ENTHD1: variants seen among roughly 807,000 people sequenced by gnomAD.
ENTHD1 encodes ENTH domain containing 1.
ENTHD1 carries 23 observed loss-of-function variants against 39.1 expected under a neutral mutation model. That is an observed-to-expected ratio of 0.59 (90% CI 0.42 to 0.83). The LOEUF is 0.83. Ranked by LOEUF, ENTHD1 falls within the 40% of genes least tolerant of loss-of-function variation. The pLI is 0.00. For synonymous variants in ENTHD1, 230 were observed against 258.2 expected (o/e 0.89, Z 1.05); for missense variants, 624 against 705.4 (o/e 0.88, Z 1.31).
At chr22:39,801,743 C>T (rs2065600117) in intron 5 of ENTHD1, among the ~76,000 whole-genome samples, 1 of 152,002 alleles carries the variant, frequency 6.6e-6, no homozygotes, top group Non-Finnish European at 1.5e-5. Flanking sequence ...TACTAGATTT[C>T]TCCCAGAATT....
intron 3 of ENTHD1, among the ~76,000 whole-genome samples, chr22:39,850,015 T>C (rs2066022302): frequency 6.6e-6 from 1 of 152,188 alleles, no homozygotes; most frequent in Middle Eastern, 3.2e-3. Context: ...ATATTTTTTG[T>C]TAACTTCAAA....
intron 2 of ENTHD1, among the ~76,000 whole-genome samples, chr22:39,883,003 C>CAAAAAAAAAAAAAAAAAAAAAAAAAA (rs58964198): frequency 4.1e-5 from 2 of 48,258 alleles, no homozygotes; most frequent in African/African-American, 6.5e-5. Context: ...GACTTCATCT[C>CAAAAAAAAAAAAAAAAAAAAAAAAAA]AAAAAAAAAA....
At chr22:39,803,890 G>A (rs180751842) in intron 5 of ENTHD1, among the ~76,000 whole-genome samples, 17 of 152,210 alleles carry the variant, frequency 1.1e-4, no homozygotes, top group African/African-American at 2.2e-4. Flanking sequence ...GGTCAGGTGC[G>A]GTGGCTCATG....
At chr22:39,830,264 G>A (rs569225962) in intron 4 of ENTHD1, among the ~76,000 whole-genome samples, 1 of 152,176 alleles carries the variant, frequency 6.6e-6, no homozygotes, top group African/African-American at 2.4e-5. Flanking sequence ...TAGTAGAGAT[G>A]GGGTTTCACC....
chr22:39,870,999 C>T (rs2066237692), intron 2 of ENTHD1, among the ~76,000 whole-genome samples: 1 of 151,742 alleles, frequency 6.6e-6, no homozygotes, highest in South Asian at 2.1e-4. Flanking sequence ...ATACAGAGAT[C>T]CCTTCTCTAC....
At chr22:39,767,737 G>C (rs1475372907) in intron 5 of ENTHD1, among the ~76,000 whole-genome samples, 1 of 152,180 alleles carries the variant, frequency 6.6e-6, no homozygotes. Context: ...AGAACTTTCT[G>C]ATGAAAATAT....
At chr22:39,860,750 T>C (rs1175862487) in intron 3 of ENTHD1, among the ~76,000 whole-genome samples, 1 of 152,252 alleles carries the variant, frequency 6.6e-6, no homozygotes, top group African/African-American at 2.4e-5. Flanking sequence ...ATTTCACTAA[T>C]GTTTTTGCTT....
intron 5 of ENTHD1, among the ~76,000 whole-genome samples, chr22:39,815,834 G>T (rs191796674): frequency 6.6e-6 from 1 of 152,102 alleles, no homozygotes; most frequent in East Asian, 1.9e-4. Flanking sequence ...CTTAAGCAAT[G>T]ATATTGAATG....
At chr22:39,883,533 A>G (rs1008441331) in intron 2 of ENTHD1, among the ~76,000 whole-genome samples, 10 of 152,088 alleles carry the variant, frequency 6.6e-5, no homozygotes, top group African/African-American at 2.4e-4. Flanking sequence ...TCCTCCAAAG[A>G]GCAGGAACAA....
intron 6 of ENTHD1, among the ~76,000 whole-genome samples, chr22:39,751,716 C>G (rs1036940928): frequency 6.6e-6 from 1 of 152,066 alleles, no homozygotes; most frequent in African/African-American, 2.4e-5. Context: ...TTAAGACAGT[C>G]ATAGTTTGAA....
At chr22:39,794,439 TTTTC>T (rs1382577401) in intron 5 of ENTHD1, among the ~76,000 whole-genome samples, 1 of 152,132 alleles carries the variant, frequency 6.6e-6, no homozygotes, top group Admixed American at 6.6e-5. Context: ...TTTGGATGCC[TTTTC>T]TTTCTTTCTT....
At chr22:39,815,443 C>CAAAAA (rs767994996) in intron 5 of ENTHD1, among the ~76,000 whole-genome samples, 3 of 120,994 alleles carry the variant, frequency 2.5e-5, no homozygotes, top group African/African-American at 6.1e-5. Flanking sequence ...AACTCCGTCT[C>CAAAAA]AAAAAAAAAA....
At chr22:39,776,284 G>T (rs1262166356) in intron 5 of ENTHD1, among the ~76,000 whole-genome samples, 1 of 152,168 alleles carries the variant, frequency 6.6e-6, no homozygotes, top group East Asian at 1.9e-4. Context: ...TCCAACCTTT[G>T]CTGGGAGAGA....
At chr22:39,871,737 C>T (rs1735392807) in intron 2 of ENTHD1, among the ~76,000 whole-genome samples, 1 of 152,108 alleles carries the variant, frequency 6.6e-6, no homozygotes, top group African/African-American at 2.4e-5. Flanking sequence ...TTGCTTCTTG[C>T]TATCATGATT....
At chr22:39,833,204 G>A (rs2065883961) in intron 4 of ENTHD1, among the ~76,000 whole-genome samples, 2 of 152,116 alleles carry the variant, frequency 1.3e-5, no homozygotes, top group Non-Finnish European at 2.9e-5. Flanking sequence ...TTATGGGGGT[G>A]AAGGGGAAGA....
intron 3 of ENTHD1, among the ~76,000 whole-genome samples, chr22:39,860,002 G>A (rs2066126673): frequency 6.6e-6 from 1 of 152,014 alleles, no homozygotes; most frequent in African/African-American, 2.4e-5. Context: ...CTCTCATTAC[G>A]TGACCTAAAA....
intron 5 of ENTHD1, among the ~76,000 whole-genome samples, chr22:39,808,206 C>G (rs1372707453): frequency 6.6e-6 from 1 of 152,210 alleles, no homozygotes; most frequent in African/African-American, 2.4e-5. Context: ...ACCCATCCCT[C>G]TCATTCCAGC....
intron 3 of ENTHD1, among the ~76,000 whole-genome samples, chr22:39,857,288 C>T (rs909059747): frequency 3.3e-5 from 5 of 151,472 alleles, no homozygotes; most frequent in Non-Finnish European, 7.4e-5. Flanking sequence ...ACTTAAAATA[C>T]AAAATTAGCC....
intron 5 of ENTHD1, among the ~76,000 whole-genome samples, chr22:39,809,867 AAGCCAC>A (rs1181241442): frequency 2.0e-5 from 3 of 152,208 alleles, no homozygotes; most frequent in Admixed American, 1.3e-4. Context: ...TAATCATAGT[AAGCCAC>A]AGGGATGCCG....
Sources: gnomAD v4.1 joint callset for allele counts (sites outside exome capture counted in the v4.1 genomes callset) on GRCh38, gnomAD v4.1.1 for gene constraint, MANE v1.5 for transcripts, NCBI Gene and HGNC (gene_info 2026-07-23, HGNC 2026-07-21) for gene names.